The following TMEM134 variants were observed in gnomAD, a reference collection of about 807,000 sequenced individuals.
TMEM134 encodes the protein transmembrane protein 134.
In TMEM134, 36 loss-of-function variants were observed where a neutral mutation model predicts 26.2. The observed-to-expected ratio is 1.37, with a 90% confidence interval of 1.05 to 1.81. TMEM134 has a LOEUF of 1.81. TMEM134 is among the 40% of genes most tolerant of loss of function. TMEM134 has a pLI of 0.00. For synonymous variants in TMEM134, 133 were observed against 113.6 expected (o/e 1.17, Z -1.08); for missense variants, 339 against 263.5 (o/e 1.29, Z -1.98).
In TMEM134 at chr11:67,469,004, G is replaced by C. The variant is rs112612281; in HGVS notation, c.174+15C>G. 2.0e-6 allele frequency: 3 copies of C among 1,482,506 alleles called. No individual in the cohort carries two copies. In the African/African-American group the frequency reaches 4.4e-5, roughly 22 times the overall value. The allele number at this position is 1,482,506 out of a possible 1,614,324, so 91.8% of individuals were successfully genotyped here. On this transcript the variant is annotated intron_variant, in intron 1 of 6. Coordinates refer to ENST00000308022, the MANE Select transcript of TMEM134 (RefSeq NM_025124.4). ...CCGGCCGGGGGCAGGGGGTTAGGTG[G>C]GCCGGGCGGTTCACCTGGTAGCGCA... is the stretch of plus-strand genomic sequence containing the variant.
At chr11:67,464,887 G>A (rs1333542861) in intron 5 of TMEM134, 31 bp from the exon 6 acceptor site, 11 of 1,606,966 alleles carry the variant, frequency 6.8e-6, no homozygotes, top group African/African-American at 1.3e-5. Flanking sequence ...CGGTCAGGGC[G>A]AGGGGGCGGA....
Position 67,467,299 on chromosome 11 carries a change from C to G in TMEM134, c.406+13G>C, listed in dbSNP as rs1416038173. ...CGGGGCCCCTCTTGACCCCAACCCTCAGGGCCACTCACCCAGCCCCAGCAG... is the reference window on the plus strand; with the variant it reads ...CGGGGCCCCTCTTGACCCCAACCCTGAGGGCCACTCACCCAGCCCCAGCAG... On this transcript the variant is annotated intron_variant, in intron 4 of 6. Transcript: ENST00000308022. 1 of 1,613,332 alleles carries G rather than the reference C, an allele frequency of 6.2e-7. No homozygotes were observed. Among genetic ancestry groups the G allele is most frequent in the Non-Finnish European group, 8.5e-7 (1 of 1,179,786 alleles).
chr11:67,467,898 G>A (rs1865375511), intron 2 of TMEM134, 130 bp downstream of exon 2: 3 of 882,844 alleles, frequency 3.4e-6, no homozygotes, highest in South Asian at 1.6e-5. Flanking sequence ...TGAGGAAAGT[G>A]AGGGTCAGGC....
Position 67,463,418 on chromosome 11 carries a change from C to A in TMEM134, c.*1196G>T, listed in dbSNP as rs1340428775. The A allele has an allele frequency of 6.6e-6, 1 of 152,268 alleles. No individual in the cohort carries two copies. Among genetic ancestry groups the A allele is most frequent in the African/African-American group, 2.4e-5 (1 of 41,440 alleles). 9.4% of individuals were successfully genotyped at this position (152,268 alleles called of 1,614,324 possible). A position where few individuals can be genotyped will look rare whatever the true frequency, so the allele number is the denominator to read the frequency against. On this transcript the variant is annotated 3_prime_UTR_variant, in exon 7 of 7. Coordinates refer to ENST00000308022, the MANE Select transcript of TMEM134 (RefSeq NM_025124.4). ...GTGTCATGGGAAGAGCCCTGGGCTA[C>A]GTTCCTAATTCTACCTACCACCTGC...
chr11:67,466,578 CTG>C (rs1182970766), intron 4 of TMEM134: 1 of 154,338 alleles, frequency 6.5e-6, no homozygotes, highest in South Asian at 2.0e-4. Flanking sequence ...AGGCCAGACT[CTG>C]TGCCAGGGGC....
chr11:67,466,264 C>G (rs1865238057), intron 4 of TMEM134: 1 of 152,250 alleles, frequency 6.6e-6, no homozygotes. Context: ...ATGAAAATCC[C>G]TTGAACCCAG....
At chr11:67,465,186 C>G in intron 4 of TMEM134, 86 bp from the exon 5 acceptor site, 2 of 1,535,502 alleles carry the variant, frequency 1.3e-6, no homozygotes, top group Non-Finnish European at 1.7e-6. Flanking sequence ...CACCCACCAC[C>G]TGAGCTGAAG....
Position 67,464,256 on chromosome 11 carries a change from G to C in TMEM134, c.*358C>G. On this transcript the variant is annotated 3_prime_UTR_variant, in exon 7 of 7. Transcript: ENST00000308022. ...GGCTGCCACGCGTTCGGTGGTGCTC[G>C]AAGCCCTTCAGCGTCAGGGTCAGTC... 2.7e-6 allele frequency: 1 copy of C among 371,622 alleles called. No homozygotes were observed. The highest frequency in any genetic ancestry group is 5.0e-6 in the Non-Finnish European group (1 of 199,290). The allele number at this position is 371,622 out of a possible 1,614,324, so 23.0% of individuals were successfully genotyped here. A position where few individuals can be genotyped will look rare whatever the true frequency, so the allele number is the denominator to read the frequency against.
chr11:67,467,092 A>T, intron 4 of TMEM134: 1 of 597,164 alleles, frequency 1.7e-6, no homozygotes, highest in East Asian at 2.8e-5. Context: ...TGCAGTGATA[A>T]GCCAGGTTCC....
rs1865057862 is a variant in TMEM134 at position 67,462,774 on chromosome 11, C to T, written c.*1840G>A. Reference sequence around the variant, plus strand: ...GAGTGCAGTGGTGCAATCATGACTCCACTGCAGCCTCCCAGGCTCCGTGAT... The same window carrying T: ...GAGTGCAGTGGTGCAATCATGACTCTACTGCAGCCTCCCAGGCTCCGTGAT... On this transcript the variant is annotated 3_prime_UTR_variant, in exon 7 of 7. Transcript: ENST00000308022. 1 of 151,852 alleles carries T rather than the reference C, an allele frequency of 6.6e-6. No individual in the cohort carries two copies. Among genetic ancestry groups the T allele is most frequent in the Non-Finnish European group, 1.5e-5 (1 of 67,976 alleles). 9.4% of individuals were successfully genotyped at this position (151,852 alleles called of 1,614,324 possible).
Position 67,463,523 on chromosome 11 carries a change from A to C in TMEM134, c.*1091T>G, listed in dbSNP as rs1865077077. ...AGATTACAAGATATAACCCGTGTTC[A>C]GTGCTTAGCGCAGGGCCTAGTATAT... On this transcript the variant is annotated 3_prime_UTR_variant, in exon 7 of 7. Coordinates refer to ENST00000308022, the MANE Select transcript of TMEM134 (RefSeq NM_025124.4). 6.6e-6 allele frequency: 1 copy of C among 151,716 alleles called. No individual in the cohort carries two copies. The highest frequency in any genetic ancestry group is 2.4e-5 in the African/African-American group (1 of 41,216). 9.4% of individuals were successfully genotyped at this position (151,716 alleles called of 1,614,324 possible).
At chr11:67,467,751 G>A in intron 2 of TMEM134, 161 bp from the exon 3 acceptor site, 1 of 727,278 alleles carries the variant, frequency 1.4e-6, no homozygotes, top group Non-Finnish European at 2.3e-6. Flanking sequence ...GAATTCAGGG[G>A]CTGGGGATGA....
chr11:67,467,303 G>A lies in TMEM134; in HGVS notation c.406+9C>T, dbSNP rs914588850. On this transcript the variant is annotated intron_variant, in intron 4 of 6. Coordinates refer to ENST00000308022, the MANE Select transcript of TMEM134 (RefSeq NM_025124.4). ...GCCCCTCTTGACCCCAACCCTCAGG[G>A]CCACTCACCCAGCCCCAGCAGCAGG... 10 of 1,613,438 alleles carry A rather than the reference G, an allele frequency of 6.2e-6. 1 individual carries two copies. In the East Asian group the frequency reaches 1.1e-4, roughly 18 times the overall value.
At chr11:67,467,437 G>A (rs758104228) in intron 3 of TMEM134, 49 bp from the exon 4 acceptor site, 11 of 1,611,396 alleles carry the variant, frequency 6.8e-6, no homozygotes, top group South Asian at 4.4e-5. Context: ...GAGGGAGGGG[G>A]TGCAGGAGGC....
At position 67,469,208 on chromosome 11, in the gene TMEM134, A is replaced by T; in HGVS notation, c.-16T>A. Reference sequence around the variant, plus strand: ...CGGCGCTCATGGCCCCGGCCCGCTCAGGCGCCGTGCGCCGCCGCCATCTGC... The same window carrying T: ...CGGCGCTCATGGCCCCGGCCCGCTCTGGCGCCGTGCGCCGCCGCCATCTGC... On this transcript the variant is annotated 5_prime_UTR_variant, in exon 1 of 7. The change abolishes the stop of an existing upstream ORF in the 5' untranslated region. Coordinates refer to ENST00000308022, the MANE Select transcript of TMEM134 (RefSeq NM_025124.4). 7.9e-7 allele frequency: 1 copy of T among 1,266,836 alleles called. No individual in the cohort carries two copies. Among genetic ancestry groups the T allele is most frequent in the Non-Finnish European group, 1.0e-6 (1 of 1,002,486 alleles). 78.5% of individuals were successfully genotyped at this position (1,266,836 alleles called of 1,614,324 possible).
Position 67,469,161 on chromosome 11 carries a change from T to G in TMEM134, c.32A>C (p.Asp11Ala). The G allele has an allele frequency of 6.9e-7, 1 of 1,445,922 alleles. No individual in the cohort carries two copies. Among genetic ancestry groups the G allele is most frequent in the Non-Finnish European group, 9.1e-7 (1 of 1,093,358 alleles). 89.6% of individuals were successfully genotyped at this position (1,445,922 alleles called of 1,614,324 possible). MSAARPQFSIDDAFELSLEDG... is the reference protein window; with the variant it reads MSAARPQFSIADAFELSLEDG... ...CTCCAGGGACAGCTCGAAGGCATCA[T>G]CAATGCTGAACTGGGGCCGGGCGGC... Residue 11 changes from aspartate to alanine, a missense_variant, in exon 1 of 7, where the codon GAT becomes GCT. Transcript: ENST00000308022.
At chr11:67,465,152 G>C (rs1396345819) in intron 4 of TMEM134, 52 bp from the exon 5 acceptor site, 3 of 1,539,522 alleles carry the variant, frequency 1.9e-6, no homozygotes. Flanking sequence ...GGTGAGGGCG[G>C]GGGCTCCCAC....
In TMEM134 at chr11:67,464,683, G is replaced by C; in HGVS notation, c.519C>G (p.Ile173Met). The change falls in exon 7 of 7, where the codon ATC becomes ATG. Residue 173 changes from isoleucine (I) to methionine (M), a missense_variant. Ile to Met is a conservative substitution (Grantham distance 10). Coordinates refer to ENST00000308022, the MANE Select transcript of TMEM134 (RefSeq NM_025124.4). The part of the protein sequence containing the change: ...LLLVPGVYHV[I>M]FIYCAVKGHR... ...GGCCCTTGACCGCGCAGTAGATGAAGATCACGTGATAGACTGCGGGGCGGG... is the reference window on the plus strand; with the variant it reads ...GGCCCTTGACCGCGCAGTAGATGAACATCACGTGATAGACTGCGGGGCGGG... 6.4e-7 allele frequency: 1 copy of C among 1,553,554 alleles called. No individual in the cohort carries two copies. Among genetic ancestry groups the C allele is most frequent in the Non-Finnish European group, 8.7e-7 (1 of 1,147,920 alleles).
At chr11:67,468,140 CCTCA>C in intron 1 of TMEM134, 48 bp from the exon 2 acceptor site, 1 of 1,509,638 alleles carries the variant, frequency 6.6e-7, no homozygotes, top group Non-Finnish European at 9.0e-7. Context: ...TGGGGCCCTT[CCTCA>C]CTCCCTCCCG....
Sources: allele counts gnomAD v4.1 joint callset, GRCh38; gene constraint gnomAD v4.1.1; transcripts MANE v1.5; gene names NCBI Gene and HGNC (gene_info 2026-07-23, HGNC 2026-07-21).